TNK2: variants seen among roughly 807,000 people sequenced by gnomAD.
TNK2 encodes the protein tyrosine kinase non receptor 2.
A neutral mutation model predicts 101.8 loss-of-function variants in TNK2; 83 were observed. The ratio of observed to expected loss-of-function variants is 0.82; its 90% CI spans 0.68 to 0.98. The LOEUF is 0.98. Among genes scored for constraint, TNK2 ranks in the 50% least tolerant of loss-of-function variants. The pLI, the probability that TNK2 is intolerant of heterozygous loss-of-function variation, is 0.00. For synonymous variants in TNK2, 804 were observed against 633.0 expected (o/e 1.27, Z -4.06); for missense variants, 1,665 against 1,483.2 (o/e 1.12, Z -2.01).
chr3:195,871,848 G>A (rs948894384), intron 10 of TNK2, among the ~76,000 whole-genome samples: 2 of 152,174 alleles, frequency 1.3e-5, no homozygotes, highest in Non-Finnish European at 1.5e-5. Flanking sequence ...CTCAGAGTTA[G>A]GAGATCGGCC....
intron 9 of TNK2, among the ~76,000 whole-genome samples, chr3:195,875,719 C>T (rs971467461): frequency 2.6e-5 from 4 of 152,296 alleles, no homozygotes; most frequent in African/African-American, 7.2e-5. Flanking sequence ...AGGGCTGCTA[C>T]CCGGCCGTGA....
rs761146719 is a variant in TNK2, at chr3:195,866,989, G to A, written c.3061C>T (p.Arg1021Trp). Residue 1021 changes from arginine (R) to tryptophan (W), a missense_variant, in exon 15 of 16, where the codon CGG becomes TGG. This residue lies in a region of TNK2 where 1,136 missense variants were observed against 894.9 expected (regional missense o/e 1.27). Transcript: ENST00000672887. ...ACTTTGTGGCACTCCCCTCTGGGCCGCAGACCCAGCCCGAAGAGCTGCTCC... is the reference window on the plus strand; with the variant it reads ...ACTTTGTGGCACTCCCCTCTGGGCCACAGACCCAGCCCGAAGAGCTGCTCC... ...KVEQLFGLGL[R>W]PRGECHKVLE... 31 of 1,612,948 alleles carry A rather than the reference G, an allele frequency of 1.9e-5. No homozygotes were observed. Among genetic ancestry groups the A allele is most frequent in the South Asian group, 4.4e-5 (4 of 91,084 alleles).
At chr3:195,893,290 C>G (rs971469369) in intron 1 of TNK2, among the ~76,000 whole-genome samples, 4 of 151,910 alleles carry the variant, frequency 2.6e-5, no homozygotes, top group Non-Finnish European at 4.4e-5. Context: ...CGGCAGCCTG[C>G]CAGAGTGGGG....
At chr3:195,872,504 C>A in intron 9 of TNK2, 34 bp from the exon 10 acceptor site, 5 of 1,548,344 alleles carry the variant, frequency 3.2e-6, no homozygotes, top group Non-Finnish European at 4.4e-6. Flanking sequence ...GAACGCCAGG[C>A]GTGGCGGGGC....
At chr3:195,877,106 C>G (rs1246933352) in intron 9 of TNK2, among the ~76,000 whole-genome samples, 1 of 152,154 alleles carries the variant, frequency 6.6e-6, no homozygotes, top group Non-Finnish European at 1.5e-5. Context: ...TTCCAGAATG[C>G]TCCCCGGAGC....
intron 1 of TNK2, among the ~76,000 whole-genome samples, chr3:195,891,072 A>C: frequency 6.6e-6 from 1 of 152,248 alleles, no homozygotes; most frequent in Admixed American, 6.5e-5. Context: ...TTAACATGTT[A>C]ATATAACAGG....
chr3:195,868,590 C>T lies in TNK2; in HGVS notation c.1708G>A (p.Val570Met). 1 of 1,576,384 alleles carries T rather than the reference C, an allele frequency of 6.3e-7. No homozygotes were observed. The highest frequency in any genetic ancestry group is 8.5e-7 in the Non-Finnish European group (1 of 1,170,516). ...GLWLAKPSAR[V>M]PGTKASRGSG... ...CCTCGGCTGGCCTTGGTGCCCGGCA[C>T]CCGCGCCGAGGGCTTCGCCAGCCAC... The change falls in exon 13 of 16, where the codon GTG (valine) becomes ATG (methionine). Residue 570 changes from valine to methionine, a missense_variant. By Grantham distance (21) the Val-to-Met change is conservative. This residue lies in a region of TNK2 where 1,136 missense variants were observed against 894.9 expected (regional missense o/e 1.27). Transcript: ENST00000672887.
chr3:195,868,728 G>A lies in TNK2; in HGVS notation c.1589-19C>T, dbSNP rs1742654906. ...GTTGGTTCTGTGATGGAAAGGGAGAGCCCAACAGGAAGGCAGTCAGGCAGG... is the reference window on the plus strand; with the variant it reads ...GTTGGTTCTGTGATGGAAAGGGAGAACCCAACAGGAAGGCAGTCAGGCAGG... On this transcript the variant is annotated intron_variant, in intron 12 of 15. Transcript: ENST00000672887. 3.9e-6 allele frequency: 6 copies of A among 1,530,868 alleles called. No individual in the cohort carries two copies. The highest frequency in any genetic ancestry group is 1.7e-4 in the Middle Eastern group (1 of 5,730). 94.8% of individuals were successfully genotyped at this position (1,530,868 alleles called of 1,614,324 possible). A position where few individuals can be genotyped will look rare whatever the true frequency, so the allele number is the denominator to read the frequency against.
At chr3:195,893,552 C>G (rs918387039) in intron 1 of TNK2, among the ~76,000 whole-genome samples, 1 of 152,134 alleles carries the variant, frequency 6.6e-6, no homozygotes, top group Non-Finnish European at 1.5e-5. Flanking sequence ...TAGAGACACT[C>G]CATCAAGCCC....
At chr3:195,864,273 C>T in intron 15 of TNK2, 86 bp from the exon 16 acceptor site, 2 of 1,513,278 alleles carry the variant, frequency 1.3e-6, no homozygotes, top group East Asian at 2.3e-5. Context: ...TGGTGCCAGG[C>T]AACACCACTG....
At chr3:195,887,760 CGCACGTGTGTGCGTCTGCGCGCGTGT>C (rs1756394361) in intron 2 of TNK2, among the ~76,000 whole-genome samples, 1 of 146,312 alleles carries the variant, frequency 6.8e-6, no homozygotes, top group Non-Finnish European at 1.5e-5. Context: ...CACGCGTGTG[CGCACGTGTGTGCGTCTGCGCGCGTGT>C]GTGTACATGT....
intron 6 of TNK2, among the ~76,000 whole-genome samples, chr3:195,879,753 G>A (rs765036663): frequency 9.2e-5 from 14 of 152,060 alleles, no homozygotes. Context: ...GAGGAGGGTG[G>A]TGCCCAGACA....
chr3:195,869,671 G>T, intron 11 of TNK2, 130 bp from the exon 12 acceptor site: 1 of 951,640 alleles, frequency 1.1e-6, no homozygotes, highest in Non-Finnish European at 1.6e-6. Context: ...GCGAGTGAAT[G>T]TACAAGCCCC....
At chr3:195,866,483 T>C (rs1316919052) in intron 15 of TNK2, among the ~76,000 whole-genome samples, 37 of 152,204 alleles carry the variant, frequency 2.4e-4, no homozygotes, top group Admixed American at 2.4e-3. Flanking sequence ...ATTACAGCCA[T>C]GAGCCACGGT....
chr3:195,883,095 G>A (rs1418889479), intron 5 of TNK2, 62 bp downstream of exon 5: 9 of 1,577,712 alleles, frequency 5.7e-6, no homozygotes, highest in Admixed American at 3.4e-5. Flanking sequence ...GAGAGGAACC[G>A]AACCACACAT....
At chr3:195,873,638 G>C (rs555939552) in intron 9 of TNK2, among the ~76,000 whole-genome samples, 12 of 152,290 alleles carry the variant, frequency 7.9e-5, no homozygotes, top group African/African-American at 2.9e-4. Flanking sequence ...CAGGGCCAAA[G>C]CGTGAAGAAG....
rs1738855457 is a variant in TNK2, at chr3:195,863,874, A to G, written c.*307T>C. 4.9e-6 allele frequency: 2 copies of G among 406,418 alleles called. No individual in the cohort carries two copies. The highest frequency in any genetic ancestry group is 4.0e-5 in the African/African-American group (2 of 49,748). 25.2% of individuals were successfully genotyped at this position (406,418 alleles called of 1,614,324 possible). A position where few individuals can be genotyped will look rare whatever the true frequency, so the allele number is the denominator to read the frequency against. ...ACTCCACCCACAGGCCCCGCCCAGGACCAGGGCCAGAGGCAGGTCATACCC... is the reference window on the plus strand; with the variant it reads ...ACTCCACCCACAGGCCCCGCCCAGGGCCAGGGCCAGAGGCAGGTCATACCC... On this transcript the variant is annotated 3_prime_UTR_variant, in exon 16 of 16. Coordinates refer to ENST00000672887, the MANE Select transcript of TNK2 (RefSeq NM_001382273.1).
chr3:195,869,440 G>A (rs1425315650), intron 12 of TNK2, 57 bp downstream of exon 12: 1 of 1,519,888 alleles, frequency 6.6e-7, no homozygotes, highest in South Asian at 1.2e-5. Context: ...TCCAGGAGAG[G>A]AGTGAGAGAG....
At chr3:195,873,663 C>A (rs947968974) in intron 9 of TNK2, among the ~76,000 whole-genome samples, 45 of 152,182 alleles carry the variant, frequency 3.0e-4, no homozygotes, top group African/African-American at 1.1e-3. Flanking sequence ...CCTCTGAAAC[C>A]CAGCCAGGCC....
Sources: gnomAD v4.1 joint callset for allele counts (sites outside exome capture counted in the v4.1 genomes callset) on GRCh38, gnomAD v4.1.1 for gene constraint, gnomAD v4.1.1 regional missense constraint, MANE v1.5 for transcripts, NCBI Gene and HGNC (gene_info 2026-07-23, HGNC 2026-07-21) for gene names.